CASTOR2: variants seen among roughly 807,000 people sequenced by gnomAD.
CASTOR2 encodes GATS protein like 2.
In CASTOR2, 8 loss-of-function variants were observed where a neutral mutation model predicts 31.2. The observed-to-expected ratio is 0.26, with a 90% CI of 0.15 to 0.46. The LOEUF (loss-of-function observed/expected upper bound fraction) is 0.46. Ranked by LOEUF, CASTOR2 falls within the 20% of genes least tolerant of loss-of-function variation. CASTOR2 has a pLI of 0.99. For missense variants in CASTOR2, 216 were observed against 382.1 expected (o/e 0.57, Z 3.62); for synonymous variants, 162 against 158.7 (o/e 1.02, Z -0.16).
At chr7:75,012,900 A>G (rs1180170501) in intron 2 of CASTOR2, among the ~76,000 whole-genome samples, 1 of 151,838 alleles carries the variant, frequency 6.6e-6, no homozygotes, top group African/African-American at 2.4e-5. Flanking sequence ...CAGCCTTCCA[A>G]ATTTCCAAAG....
chr7:75,018,052 G>T lies in CASTOR2; in HGVS notation c.441G>T (p.Arg147=). The T allele has an allele frequency of 1.2e-6, 2 of 1,614,202 alleles. No homozygotes were observed. The highest frequency in any genetic ancestry group is 2.2e-5 in the South Asian group (2 of 91,086). Residue 147 remains arginine (R), a synonymous_variant, in exon 4 of 9, where the codon CGG becomes CGT. Coordinates refer to ENST00000616305, the MANE Select transcript of CASTOR2 (RefSeq NM_001145064.3). The part of the protein sequence containing the change: ...HTLSSEFTIL[R]VVNGETVAAE... ...TGTCATCAGAGTTCACCATCCTGCG[G>T]GTCGTCAATGGCGAGACCGTGGCAG... is the stretch of plus-strand genomic sequence containing the variant.
chr7:75,024,925 A>G lies in CASTOR2; in HGVS notation c.*226A>G. ...GAGCCCCCCGACCCTCCAGAGAACG[A>G]CCTTTCTCTTCCCTACCTCCCCCAC... On this transcript the variant is annotated 3_prime_UTR_variant, in exon 9 of 9. Transcript: ENST00000616305. 1 of 1,050,770 alleles carries G rather than the reference A, an allele frequency of 9.5e-7. No homozygotes were observed. The highest frequency in any genetic ancestry group is 1.4e-6 in the Non-Finnish European group (1 of 728,492). 65.1% of individuals were successfully genotyped at this position (1,050,770 alleles called of 1,614,324 possible).
Position 75,027,822 on chromosome 7 carries a change from T to A in CASTOR2, c.*3123T>A. On this transcript the variant is annotated 3_prime_UTR_variant, in exon 9 of 9. Transcript: ENST00000616305. ...TGTGTGTAGCGTAGTCTTGGTTTGGTCTCCACAGCTCTTCGGGGTGGGGTG... is the reference window on the plus strand; with the variant it reads ...TGTGTGTAGCGTAGTCTTGGTTTGGACTCCACAGCTCTTCGGGGTGGGGTG... 1.6e-6 allele frequency: 1 copy of A among 630,108 alleles called. No homozygotes were observed. The highest frequency in any genetic ancestry group is 2.8e-6 in the Non-Finnish European group (1 of 354,580). 39.0% of individuals were successfully genotyped at this position (630,108 alleles called of 1,614,324 possible).
intron 1 of CASTOR2, among the ~76,000 whole-genome samples, chr7:74,995,511 G>GAAAAAAAAAAAAAAAAAAAA: frequency 1.1e-5 from 1 of 88,454 alleles, no homozygotes; most frequent in Non-Finnish European, 1.9e-5. Flanking sequence ...ACAAAAAAAT[G>GAAAAAAAAAAAAAAAAAAAA]AAAAAAAAAA....
chr7:75,017,464 G>A (rs1584476528), intron 2 of CASTOR2, 134 bp from the exon 3 acceptor site: 21 of 1,116,674 alleles, frequency 1.9e-5, no homozygotes, highest in South Asian at 5.5e-5. Flanking sequence ...AAAAAATCCT[G>A]TTGGAAAGTG....
At chr7:74,987,403 GAAA>G (rs1211864183) in intron 1 of CASTOR2, among the ~76,000 whole-genome samples, 1 of 91,642 alleles carries the variant, frequency 1.1e-5, no homozygotes, top group Admixed American at 1.2e-4. Flanking sequence ...GTCTCAAAAA[GAAA>G]AAAAAAAAAA....
At chr7:75,006,886 C>G (rs1186446584) in intron 1 of CASTOR2, among the ~76,000 whole-genome samples, 1 of 125,910 alleles carries the variant, frequency 7.9e-6, no homozygotes, top group Non-Finnish European at 1.6e-5. Context: ...CCATGTGGAA[C>G]TATGAGTCCA....
intron 1 of CASTOR2, among the ~76,000 whole-genome samples, chr7:74,977,309 G>C: frequency 6.6e-6 from 1 of 151,582 alleles, no homozygotes; most frequent in East Asian, 1.9e-4. Flanking sequence ...AGTTGCATCC[G>C]TTCTGGGCCA....
chr7:74,972,022 A>G (rs1394786349), intron 1 of CASTOR2, among the ~76,000 whole-genome samples: 1 of 150,758 alleles, frequency 6.6e-6, no homozygotes, highest in African/African-American at 2.4e-5. Flanking sequence ...TCTGTTGCCC[A>G]GGCTGGAGTG....
At chr7:75,009,652 G>T (rs1455275614) in intron 2 of CASTOR2, among the ~76,000 whole-genome samples, 15 of 151,906 alleles carry the variant, frequency 9.9e-5, no homozygotes, top group Non-Finnish European at 1.8e-4. Context: ...TTAATGGAGG[G>T]GCACTTTCCA....
In CASTOR2 at chr7:75,024,943, T is replaced by C; in HGVS notation, c.*244T>C. On this transcript the variant is annotated 3_prime_UTR_variant, in exon 9 of 9. Transcript: ENST00000616305. Reference sequence around the variant, plus strand: ...GAGAACGACCTTTCTCTTCCCTACCTCCCCCACCCCGGAAAATGCTTTCGG... The same window carrying C: ...GAGAACGACCTTTCTCTTCCCTACCCCCCCCACCCCGGAAAATGCTTTCGG... 2.3e-6 allele frequency: 2 copies of C among 873,148 alleles called. No individual in the cohort carries two copies. Among genetic ancestry groups the C allele is most frequent in the Non-Finnish European group, 1.7e-6 (1 of 572,494 alleles). The allele number at this position is 873,148 out of a possible 1,614,324, so 54.1% of individuals were successfully genotyped here.
chr7:75,028,116 ATT>A lies in CASTOR2; in HGVS notation c.*3435_*3436del, dbSNP rs71098023. The A allele has an allele frequency of 0.012, 14,313 of 1,232,696 alleles. No individual in the cohort carries two copies. Among genetic ancestry groups the A allele is most frequent in the East Asian group, 0.021 (741 of 35,174 alleles). The allele number at this position is 1,232,696 out of a possible 1,614,324, so 76.4% of individuals were successfully genotyped here. On this transcript the variant is annotated 3_prime_UTR_variant, in exon 9 of 9. Coordinates refer to ENST00000616305, the MANE Select transcript of CASTOR2 (RefSeq NM_001145064.3). The stretch of plus-strand genomic sequence containing the variant: ...GGAAGAGGGCTCTCTATGATGTGGA[ATT>A]TTTTTTTTTTTTTTTTTGAGACGGA...
chr7:74,972,712 C>T (rs1293727567), intron 1 of CASTOR2, among the ~76,000 whole-genome samples: 2 of 150,696 alleles, frequency 1.3e-5, no homozygotes, highest in Non-Finnish European at 3.0e-5. Context: ...CAGAGTCTTG[C>T]TCTGTCGCCC....
intron 1 of CASTOR2, among the ~76,000 whole-genome samples, chr7:75,003,245 A>G (rs1410871825): frequency 1.3e-5 from 2 of 152,116 alleles, no homozygotes; most frequent in Non-Finnish European, 2.9e-5. Flanking sequence ...TCAGGAGTGC[A>G]AGACCAGTCG....
chr7:75,019,242 G>A, intron 5 of CASTOR2, 147 bp downstream of exon 5: 3 of 1,404,890 alleles, frequency 2.1e-6, no homozygotes, highest in Non-Finnish European at 2.9e-6. Flanking sequence ...AGTCTGAGCA[G>A]AGAGACATGG....
intron 1 of CASTOR2, among the ~76,000 whole-genome samples, chr7:74,996,609 CT>C (rs1804352784): frequency 6.7e-6 from 1 of 148,306 alleles, no homozygotes; most frequent in Non-Finnish European, 1.5e-5. Context: ...GTTGAATGAG[CT>C]TCTGGTTATG....
rs1221956462 is a variant in CASTOR2 at position 74,967,421 on chromosome 7, C to G, written c.113+2323C>G. Among the ~76,000 whole-genome samples the G allele has an allele frequency of 7.4e-5, 11 of 148,076 alleles. 3 individuals are homozygous for G. The highest frequency in any genetic ancestry group is 2.7e-4 in the Admixed American group (4 of 14,590). On this transcript the variant is annotated intron_variant, in intron 1 of 8. Coordinates refer to ENST00000616305, the MANE Select transcript of CASTOR2 (RefSeq NM_001145064.3). ...TCCAGGTAGAACCCCTTAGATTGTT[C>G]CTGCAATCCCTGCCCCCAGGTGGTG...
intron 1 of CASTOR2, among the ~76,000 whole-genome samples, chr7:74,970,183 G>A (rs1478320010): frequency 1.3e-5 from 1 of 78,624 alleles, no homozygotes; most frequent in South Asian, 4.5e-4. Context: ...AAGATATGTC[G>A]TTGTAGAAGG....
intron 1 of CASTOR2, among the ~76,000 whole-genome samples, chr7:74,997,778 A>G (rs1393688586): frequency 6.6e-6 from 1 of 151,934 alleles, no homozygotes; most frequent in Non-Finnish European, 1.5e-5. Context: ...CTCTGTAAAA[A>G]GTCTACCCTG....
Sources: gnomAD v4.1 joint callset for allele counts (sites outside exome capture counted in the v4.1 genomes callset) on GRCh38, gnomAD v4.1.1 for gene constraint, MANE v1.5 for transcripts, NCBI Gene and HGNC (gene_info 2026-07-23, HGNC 2026-07-21) for gene names.